Variants in GATA6 observed in about 807,000 individuals in gnomAD.
The protein encoded by GATA6 is GATA binding protein 6.
In GATA6, 11 loss-of-function variants were observed where a neutral mutation model predicts 48.1. The ratio of observed to expected loss-of-function variants is 0.23; its 90% CI spans 0.14 to 0.38. GATA6 has a LOEUF of 0.38. Among genes scored for constraint, GATA6 ranks in the 10% least tolerant of loss-of-function variants. The pLI, the probability that GATA6 is intolerant of heterozygous loss-of-function variation, is 1.00. For missense variants in GATA6, 795 were observed against 850.3 expected (o/e 0.93, Z 0.81); for synonymous variants, 419 against 396.1 (o/e 1.06, Z -0.69).
In GATA6 at chr18:22,172,959, T is replaced by C. The variant is rs2033076208; in HGVS notation, c.1135+680T>C. Reference sequence around the variant, plus strand: ...AGAGCTGGTGGATAGGCCCTTGGGCTTGGCATCAGCTGGGCCTTGGTCTGG... The same window carrying C: ...AGAGCTGGTGGATAGGCCCTTGGGCCTGGCATCAGCTGGGCCTTGGTCTGG... On this transcript the variant is annotated intron_variant, in intron 2 of 6. Transcript: ENST00000269216. This position sits in a 1 kb window ranked among gnomAD's most constrained non-coding sequence, Gnocchi z 5.2. 6.6e-6 allele frequency among the ~76,000 whole-genome samples: 1 copy of C among 152,190 alleles called. No individual in the cohort carries two copies.
rs1217556566 is a variant in GATA6, at chr18:22,172,451, T to G, written c.1135+172T>G. On this transcript the variant is annotated intron_variant, in intron 2 of 6. Transcript: ENST00000269216. This position sits in a 1 kb window ranked among gnomAD's most constrained non-coding sequence, Gnocchi z 5.2. Reference sequence around the variant, plus strand: ...AGGCCTGTGGCTGGGTAACCCAGAGTCCGGTAGCGCTGAGGCGAGTTGTGC... The same window carrying G: ...AGGCCTGTGGCTGGGTAACCCAGAGGCCGGTAGCGCTGAGGCGAGTTGTGC... Among the ~76,000 whole-genome samples, 1 of 151,982 alleles carries G rather than the reference T, an allele frequency of 6.6e-6. No homozygotes were observed. The highest frequency in any genetic ancestry group is 1.5e-5 in the Non-Finnish European group (1 of 67,982).
At chr18:22,181,028 T>G (rs1308556802) in intron 3 of GATA6, among the ~76,000 whole-genome samples, 4 of 152,188 alleles carry the variant, frequency 2.6e-5, no homozygotes, top group African/African-American at 7.2e-5. Context: ...AGTATAACTC[T>G]ATTTGGCCAA....
Position 22,170,894 on chromosome 18 carries a change from G to C in GATA6, c.-37-214G>C. 1.8e-6 allele frequency: 1 copy of C among 569,418 alleles called. No individual in the cohort carries two copies. 35.3% of individuals were successfully genotyped at this position (569,418 alleles called of 1,614,324 possible). A position where few individuals can be genotyped will look rare whatever the true frequency, so the allele number is the denominator to read the frequency against. ...AGGGCTGGTATCCCAGCCCTTCCAG[G>C]GCCCTGTGGCGGCTGCGCAGGCTCC... On this transcript the variant is annotated intron_variant, in intron 1 of 6. Transcript: ENST00000269216. The surrounding 1 kb of genome is among the most constrained non-coding windows in gnomAD (Gnocchi z 6.7).
At chr18:22,182,014 CAA>C (rs561750142) in intron 4 of GATA6, among the ~76,000 whole-genome samples, 6 of 152,122 alleles carry the variant, frequency 3.9e-5, no homozygotes, top group East Asian at 1.9e-4. Flanking sequence ...GACATTTGTG[CAA>C]AAGAGTAATG....
At position 22,172,839 on chromosome 18, in the gene GATA6, T is replaced by C. The variant is rs2033074126; in HGVS notation, c.1135+560T>C. 1.3e-5 allele frequency among the ~76,000 whole-genome samples: 2 copies of C among 152,164 alleles called. No individual in the cohort carries two copies. The highest frequency in any genetic ancestry group is 4.8e-5 in the African/African-American group (2 of 41,442). Reference sequence around the variant, plus strand: ...CACAACAGAAGAACCTAGATGTTCCTAGGGAAGCTAGTTGGCGTCTCCTCT... The same window carrying C: ...CACAACAGAAGAACCTAGATGTTCCCAGGGAAGCTAGTTGGCGTCTCCTCT... On this transcript the variant is annotated intron_variant, in intron 2 of 6. Coordinates refer to ENST00000269216, the MANE Select transcript of GATA6 (RefSeq NM_005257.6). The surrounding 1 kb of genome is among the most constrained non-coding windows in gnomAD (Gnocchi z 5.2).
At chr18:22,191,050 TG>T (rs2033322638) in intron 6 of GATA6, among the ~76,000 whole-genome samples, 1 of 149,634 alleles carries the variant, frequency 6.7e-6, no homozygotes, top group East Asian at 2.0e-4. Flanking sequence ...TGTGTGTGTG[TG>T]TGTGTGTGTG....
intron 6 of GATA6, among the ~76,000 whole-genome samples, chr18:22,199,628 C>T (rs995291645): frequency 1.3e-5 from 2 of 152,174 alleles, no homozygotes; most frequent in African/African-American, 4.8e-5. Flanking sequence ...TGTGGCCAGG[C>T]ACAGTGGCTC....
Position 22,200,724 on chromosome 18 carries a change from G to C in GATA6, c.1689G>C (p.Ser563=), listed in dbSNP as rs775791271. The C allele has an allele frequency of 6.2e-7, 1 of 1,614,108 alleles. No individual in the cohort carries two copies. Among genetic ancestry groups the C allele is most frequent in the East Asian group, 2.2e-5 (1 of 44,886 alleles). ...TNPENSELKY[S]GQDGLYIGVS... is the part of the protein sequence containing the mutation. ...CCGAGAACAGCGAGCTCAAGTATTC[G>C]GGTCAAGATGGGCTCTACATAGGCG... The change falls in exon 7 of 7, where the codon TCG becomes TCC. Residue 563 remains serine, a synonymous_variant. Transcript: ENST00000269216.
At chr18:22,193,856 T>G (rs953359453) in intron 6 of GATA6, among the ~76,000 whole-genome samples, 2 of 152,132 alleles carry the variant, frequency 1.3e-5, no homozygotes, top group Admixed American at 1.3e-4. Context: ...AGAACCCATG[T>G]TTTTCTTTGG....
intron 6 of GATA6, among the ~76,000 whole-genome samples, chr18:22,184,793 C>G (rs2033243686): frequency 1.3e-5 from 2 of 152,146 alleles, no homozygotes; most frequent in African/African-American, 4.8e-5. Context: ...GTCACCGCGC[C>G]TGGCCTAAAA....
At chr18:22,186,107 A>G (rs2033259424) in intron 6 of GATA6, among the ~76,000 whole-genome samples, 1 of 152,214 alleles carries the variant, frequency 6.6e-6, no homozygotes, top group African/African-American at 2.4e-5. Context: ...TATATGTATT[A>G]CATACACAGC....
chr18:22,174,146 G>A (rs117662397), intron 2 of GATA6, among the ~76,000 whole-genome samples: 1 of 152,214 alleles, frequency 6.6e-6, no homozygotes, highest in Non-Finnish European at 1.5e-5. Context: ...GGAGGTAATG[G>A]TTGGGTGTGA....
intron 3 of GATA6, among the ~76,000 whole-genome samples, chr18:22,180,689 T>TAAAAAA (rs769055281): frequency 1.3e-5 from 2 of 150,754 alleles, no homozygotes; most frequent in African/African-American, 2.4e-5. Flanking sequence ...TTTTTTTTTT[T>TAAAAAA]AAAAAAAACT....
Position 22,182,856 on chromosome 18 carries a change from A to C in GATA6, c.1516+12A>C. 6.2e-7 allele frequency: 1 copy of C among 1,608,344 alleles called. No homozygotes were observed. Among genetic ancestry groups the C allele is most frequent in the African/African-American group, 1.3e-5 (1 of 74,928 alleles). On this transcript the variant is annotated intron_variant, in intron 5 of 6. Coordinates refer to ENST00000269216, the MANE Select transcript of GATA6 (RefSeq NM_005257.6). The stretch of plus-strand genomic sequence containing the variant: ...AAAGACTTGCTCTGGTAAATATACT[A>C]AAATGACGTTTGACTGTAAAGTATT...
chr18:22,190,433 T>C (rs955122347), intron 6 of GATA6, among the ~76,000 whole-genome samples: 7 of 152,190 alleles, frequency 4.6e-5, no homozygotes, highest in Admixed American at 3.9e-4. Context: ...CTTTTCAGAA[T>C]GTTAAAATTG....
At chr18:22,197,079 CT>C (rs34814440) in intron 6 of GATA6, among the ~76,000 whole-genome samples, 207 of 133,656 alleles carry the variant, frequency 1.5e-3, no homozygotes, top group East Asian at 6.2e-3. Flanking sequence ...TTAGCCAATT[CT>C]TTTTTTTTTT....
intron 4 of GATA6, 97 bp downstream of exon 4, chr18:22,181,675 GAA>G: frequency 7.6e-7 from 1 of 1,311,278 alleles, no homozygotes; most frequent in Non-Finnish European, 1.1e-6. Context: ...ATACTCAAGT[GAA>G]AAATTTGAAT....
rs1284118699 is a variant in GATA6, at chr18:22,172,519, G to A, written c.1135+240G>A. Among the ~76,000 whole-genome samples the A allele has an allele frequency of 6.6e-6, 1 of 152,220 alleles. No individual in the cohort carries two copies. The highest frequency in any genetic ancestry group is 1.9e-4 in the East Asian group (1 of 5,188). ...GTGCCAAGTTCCTTTCCACGGATGA[G>A]ACTAAATGCACATCTGTACCTTCGT... On this transcript the variant is annotated intron_variant, in intron 2 of 6. Coordinates refer to ENST00000269216, the MANE Select transcript of GATA6 (RefSeq NM_005257.6). The surrounding 1 kb of genome is among the most constrained non-coding windows in gnomAD (Gnocchi z 5.2).
intron 1 of GATA6, among the ~76,000 whole-genome samples, chr18:22,169,945 G>T (rs1275023453): frequency 6.6e-6 from 1 of 152,248 alleles, no homozygotes; most frequent in Non-Finnish European, 1.5e-5. Flanking sequence ...AAAGGGGCGG[G>T]AGCCGGTAGT....
Sources: allele counts gnomAD v4.1 joint callset (sites outside exome capture counted in the v4.1 genomes callset), GRCh38; gene constraint gnomAD v4.1.1; non-coding constraint Gnocchi (gnomAD v3.1); transcripts MANE v1.5; gene names NCBI Gene and HGNC (gene_info 2026-07-23, HGNC 2026-07-21).